The following CYP1A2 variants were observed in gnomAD, a reference collection of about 807,000 sequenced individuals.
CYP1A2 encodes the protein cytochrome P450 1A2.
In CYP1A2, 35 loss-of-function variants were observed where a neutral mutation model predicts 34.7. That is an observed-to-expected ratio of 1.01 (90% CI 0.77 to 1.34). The LOEUF is 1.34. Among genes scored for constraint, CYP1A2 ranks in the 40% most tolerant of loss-of-function variants. CYP1A2 has a pLI of 0.00. For missense variants in CYP1A2, 675 were observed against 675.8 expected, an observed-to-expected ratio of 1.00 and a Z score of 0.01; for synonymous variants, 288 against 281.9, an observed-to-expected ratio of 1.02 and a Z score of -0.22.
chr15:74,750,029 C>T lies in CYP1A2; in HGVS notation c.291C>T (p.Ala97=). The T allele has an allele frequency of 6.2e-7, 1 of 1,614,048 alleles. No homozygotes were observed. Among genetic ancestry groups the T allele is most frequent in the Non-Finnish European group, 8.5e-7 (1 of 1,180,030 alleles). The part of the protein sequence containing the change: ...VLSRLDTIRQ[A]LVRQGDDFKG... ...GCCGCCTGGACACCATCCGGCAGGC[C>T]CTGGTGCGGCAGGGCGACGATTTCA... The change falls in exon 2 of 7, where the codon GCC becomes GCT. Residue 97 remains alanine, a synonymous_variant. Coordinates refer to ENST00000343932, the MANE Select transcript of CYP1A2 (RefSeq NM_000761.5).
At position 74,754,869 on chromosome 15, in the gene CYP1A2, G is replaced by T. The variant is rs140757511; in HGVS notation, c.1332G>T (p.Leu444Phe). The stretch of plus-strand genomic sequence containing the variant: ...ATGGCACTGCCATTAACAAGCCCTT[G>T]AGTGAGAAGATGATGCTGTTTGGCA... ...TADGTAINKP[L>F]SEKMMLFGMG... Residue 444 changes from leucine (L) to phenylalanine (F), a missense_variant, in exon 7 of 7, where the codon TTG becomes TTT. Leu to Phe is a conservative substitution (Grantham distance 22). Transcript: ENST00000343932. The T allele has an allele frequency of 1.2e-6, 2 of 1,614,110 alleles. No homozygotes were observed. The highest frequency in any genetic ancestry group is 2.7e-5 in the African/African-American group (2 of 74,920).
chr15:74,752,870 C>CTTTTTTTT (rs4646426), intron 5 of CYP1A2, among the ~76,000 whole-genome samples: 5 of 96,164 alleles, frequency 5.2e-5, no homozygotes, highest in Non-Finnish European at 9.8e-5. Context: ...CTGCCTGCTG[C>CTTTTTTTT]TTTTTTTTTT....
Position 74,751,296 on chromosome 15 carries a change from C to T in CYP1A2, c.939C>T (p.Asp313=), listed in dbSNP as rs1236124348. The change falls in exon 3 of 7, where the codon GAC becomes GAT. Residue 313 remains aspartate (D), a synonymous_variant. Coordinates refer to ENST00000343932, the MANE Select transcript of CYP1A2 (RefSeq NM_000761.5). ...PQEKIVNLVN[D]IFGAGFDTVT... ...AGAAGATTGTCAACCTTGTCAATGA[C>T]ATCTTTGGAGCAGGTAGGAACCAGA... 3 of 1,614,112 alleles carry T rather than the reference C, an allele frequency of 1.9e-6. No individual in the cohort carries two copies. Among genetic ancestry groups the T allele is most frequent in the East Asian group, 2.2e-5 (1 of 44,890 alleles).
intron 2 of CYP1A2, 112 bp downstream of exon 2, chr15:74,750,681 C>T: frequency 1.2e-6 from 1 of 853,186 alleles, no homozygotes; most frequent in East Asian, 2.6e-5. Context: ...CCTAGGAAGG[C>T]TCTGGACACC....
chr15:74,752,289 G>GCCATGTTT, intron 5 of CYP1A2, 42 bp downstream of exon 5: 1 of 1,607,956 alleles, frequency 6.2e-7, no homozygotes, highest in Non-Finnish European at 8.5e-7. Context: ...TAAAGTGCTT[G>GCCATGTTT]CCATGTTTTC....
chr15:74,749,981 C>T lies in CYP1A2; in HGVS notation c.243C>T (p.Gly81=). The change falls in exon 2 of 7, where the codon GGC becomes GGT. Residue 81 remains glycine, a synonymous_variant. Coordinates refer to ENST00000343932, the MANE Select transcript of CYP1A2 (RefSeq NM_000761.5). ...GGGACGTCCTGCAGATCCGCATTGG[C>T]TCCACGCCCGTGCTGGTGCTGAGCC... is the stretch of plus-strand genomic sequence containing the variant. ...RYGDVLQIRI[G]STPVLVLSRL... 1 of 1,614,118 alleles carries T rather than the reference C, an allele frequency of 6.2e-7. No homozygotes were observed.
Position 74,751,760 on chromosome 15 carries a change from T to C in CYP1A2, c.953-5T>C, listed in dbSNP as rs1442479540. ...TCTTTCCTCACCTTACACTACACGGTTCAGGATTTGACACAGTCACCACAG... is the reference window on the plus strand; with the variant it reads ...TCTTTCCTCACCTTACACTACACGGCTCAGGATTTGACACAGTCACCACAG... On this transcript the variant is annotated splice_region_variant and splice_polypyrimidine_tract_variant and intron_variant, in intron 3 of 6. Coordinates refer to ENST00000343932, the MANE Select transcript of CYP1A2 (RefSeq NM_000761.5). 6.2e-7 allele frequency: 1 copy of C among 1,613,720 alleles called. No homozygotes were observed. The highest frequency in any genetic ancestry group is 8.5e-7 in the Non-Finnish European group (1 of 1,179,786).
Position 74,749,842 on chromosome 15 carries a change from T to C in CYP1A2, c.104T>C (p.Val35Ala). The change falls in exon 2 of 7, where the codon GTC becomes GCC. Residue 35 changes from valine (V) to alanine (A), a missense_variant. Transcript: ENST00000343932. ...GTGCTCAAGGGTTTGAGGCCTCGGG[T>C]CCCCAAAGGCCTGAAAAGTCCACCA... The part of the protein sequence containing the change: ...FWVLKGLRPR[V>A]PKGLKSPPEP... 6.2e-7 allele frequency: 1 copy of C among 1,605,888 alleles called. No individual in the cohort carries two copies. Among genetic ancestry groups the C allele is most frequent in the Non-Finnish European group, 8.5e-7 (1 of 1,174,152 alleles).
At position 74,754,879 on chromosome 15, in the gene CYP1A2, A is replaced by T. The variant is rs1167453607; in HGVS notation, c.1342A>T (p.Met448Leu). Residue 448 changes from methionine to leucine, a missense_variant, in exon 7 of 7, where the codon ATG becomes TTG. Transcript: ENST00000343932. Reference protein sequence around the residue: ...TAINKPLSEKMMLFGMGKRRC... With the variant: ...TAINKPLSEKLMLFGMGKRRC... ...CATTAACAAGCCCTTGAGTGAGAAGATGATGCTGTTTGGCATGGGCAAGCG... is the reference window on the plus strand; with the variant it reads ...CATTAACAAGCCCTTGAGTGAGAAGTTGATGCTGTTTGGCATGGGCAAGCG... 1.1e-5 allele frequency: 17 copies of T among 1,614,104 alleles called. No individual in the cohort carries two copies. The highest frequency in any genetic ancestry group is 1.4e-5 in the Non-Finnish European group (16 of 1,180,054).
Position 74,750,427 on chromosome 15 carries a change from C to T in CYP1A2, c.689C>T (p.Ala230Val). 2.5e-6 allele frequency: 4 copies of T among 1,614,186 alleles called. No individual in the cohort carries two copies. The highest frequency in any genetic ancestry group is 3.4e-6 in the Non-Finnish European group (4 of 1,180,030). Residue 230 changes from alanine (A) to valine (V), a missense_variant, in exon 2 of 7, where the codon GCC (alanine) becomes GTC (valine). Transcript: ENST00000343932. The part of the protein sequence containing the change: ...VKNTHEFVET[A>V]SSGNPLDFFP... Reference sequence around the variant, plus strand: ...AACACTCATGAGTTCGTGGAGACTGCCTCCTCCGGGAACCCCCTGGACTTC... The same window carrying T: ...AACACTCATGAGTTCGTGGAGACTGTCTCCTCCGGGAACCCCCTGGACTTC...
intron 2 of CYP1A2, 58 bp downstream of exon 2, chr15:74,750,627 C>A (rs1288052808): frequency 7.1e-7 from 1 of 1,417,924 alleles, no homozygotes; most frequent in Non-Finnish European, 9.8e-7. Context: ...GCAGCCCCTC[C>A]CTCCCAGCTC....
At chr15:74,752,322 G>C in intron 5 of CYP1A2, 75 bp downstream of exon 5, 1 of 1,582,710 alleles carries the variant, frequency 6.3e-7, no homozygotes, top group Admixed American at 1.7e-5. Context: ...CTCAGCCCTG[G>C]CCCTGGCTCA....
chr15:74,752,314 C>T lies in CYP1A2; in HGVS notation c.1166+67C>T, dbSNP rs372865065. On this transcript the variant is annotated intron_variant, in intron 5 of 6. Transcript: ENST00000343932. ...GCCATGTTTTCTCTTCCTGGCTTCT[C>T]AGCCCTGGCCCTGGCTCAGCATCTC... The T allele has an allele frequency of 5.2e-5, 82 of 1,592,190 alleles. No homozygotes were observed. The East Asian group carries it at 1.6e-3, about 31-fold the overall frequency.
intron 5 of CYP1A2, 89 bp downstream of exon 5, chr15:74,752,336 T>A: frequency 6.4e-7 from 1 of 1,558,642 alleles, no homozygotes; most frequent in South Asian, 1.2e-5. Flanking sequence ...TGGCTCAGCA[T>A]CTCCTTCCCG....
chr15:74,750,590 G>T, intron 2 of CYP1A2, 21 bp downstream of exon 2: 1 of 1,598,116 alleles, frequency 6.3e-7, no homozygotes, highest in Non-Finnish European at 8.6e-7. Context: ...GGTGCAGGTG[G>T]CAAGGGGCAC....
chr15:74,752,024 T>C, intron 4 of CYP1A2, 100 bp from the exon 5 acceptor site: 3 of 1,568,772 alleles, frequency 1.9e-6, no homozygotes, highest in Non-Finnish European at 2.6e-6. Flanking sequence ...GACTTGTGAA[T>C]AGACAGTCTT....
chr15:74,753,183 G>GCACA lies in CYP1A2; in HGVS notation c.1167_1170dup (p.Thr391HisfsTer28), dbSNP rs1361567174. ...CTCACAGTGCCCTCTTCCCTCCTCA[G>GCACA]CACAACAAGGGACACAACGCTGAAT... On this transcript the variant is annotated frameshift_variant and splice_region_variant. Coordinates refer to ENST00000343932, the MANE Select transcript of CYP1A2 (RefSeq NM_000761.5). LOFTEE classifies it high-confidence loss of function. 5.6e-6 allele frequency: 9 copies of GCACA among 1,613,102 alleles called. No individual in the cohort carries two copies. The highest frequency in any genetic ancestry group is 7.6e-6 in the Non-Finnish European group (9 of 1,179,408).
rs567343028 is a variant in CYP1A2 at position 74,750,332 on chromosome 15, C to T, written c.594C>T (p.Asn198=). Reference sequence around the variant, plus strand: ...ATCAGGTGGTGGTGTCAGTGGCCAACGTCATTGGTGCCATGTGCTTCGGAC... The same window carrying T: ...ATCAGGTGGTGGTGTCAGTGGCCAATGTCATTGGTGCCATGTGCTTCGGAC... ...PYNQVVVSVA[N]VIGAMCFGQH... The change falls in exon 2 of 7, where the codon AAC becomes AAT. Residue 198 remains asparagine, a synonymous_variant. Coordinates refer to ENST00000343932, the MANE Select transcript of CYP1A2 (RefSeq NM_000761.5). 1.5e-5 allele frequency: 24 copies of T among 1,614,146 alleles called. No individual in the cohort carries two copies. In the African/African-American group the frequency reaches 1.9e-4, roughly 13 times the overall value.
Position 74,755,235 on chromosome 15 carries a change from T to C in CYP1A2, c.*147T>C, listed in dbSNP as rs2063332926. On this transcript the variant is annotated 3_prime_UTR_variant, in exon 7 of 7. Transcript: ENST00000343932. Reference sequence around the variant, plus strand: ...ATCCCAGCATTTTAGGAGGCCAAGGTTGGAGGATCATTTGAGCCCAGGAAT... The same window carrying C: ...ATCCCAGCATTTTAGGAGGCCAAGGCTGGAGGATCATTTGAGCCCAGGAAT... The C allele has an allele frequency of 2.2e-6, 2 of 897,942 alleles. No homozygotes were observed. The highest frequency in any genetic ancestry group is 3.5e-4 in the Middle Eastern group (1 of 2,854). 55.6% of individuals were successfully genotyped at this position (897,942 alleles called of 1,614,324 possible).
Sources: allele counts gnomAD v4.1 joint callset (sites outside exome capture counted in the v4.1 genomes callset), GRCh38; gene constraint gnomAD v4.1.1; transcripts MANE v1.5; gene names NCBI Gene and HGNC (gene_info 2026-07-23, HGNC 2026-07-21).